Variants in ARHGAP22 observed in about 807,000 individuals in gnomAD.
The protein encoded by ARHGAP22 is Rho GTPase activating protein 22.
A neutral mutation model predicts 59.1 loss-of-function variants in ARHGAP22; 48 were observed. That is an observed-to-expected ratio of 0.81 (90% CI 0.64 to 1.03). The LOEUF (loss-of-function observed/expected upper bound fraction) is 1.03. Ranked by LOEUF, ARHGAP22 falls within the 50% of genes least tolerant of loss-of-function variation. The pLI is 0.00. For missense variants in ARHGAP22, 1,015 were observed against 958.7 expected, an observed-to-expected ratio of 1.06 and a Z score of -0.78; for synonymous variants, 445 against 416.4, an observed-to-expected ratio of 1.07 and a Z score of -0.84.
At chr10:48,616,097 A>T (rs975242851) in intron 1 of ARHGAP22, among the ~76,000 whole-genome samples, 1 of 152,154 alleles carries the variant, frequency 6.6e-6, no homozygotes, top group African/African-American at 2.4e-5. Context: ...CATTTTTTAT[A>T]AGTTAAAAAT....
chr10:48,635,161 T>G (rs2061766308), intron 1 of ARHGAP22, among the ~76,000 whole-genome samples: 1 of 152,130 alleles, frequency 6.6e-6, no homozygotes, highest in African/African-American at 2.4e-5. Context: ...AGGCTCCTTC[T>G]GGGTCCACCG....
chr10:48,522,177 G>A (rs1478626061), intron 3 of ARHGAP22, among the ~76,000 whole-genome samples: 1 of 152,204 alleles, frequency 6.6e-6, no homozygotes, highest in East Asian at 1.9e-4. Flanking sequence ...GCCAGACAGT[G>A]GCTGGTCATC....
intron 9 of ARHGAP22, among the ~76,000 whole-genome samples, chr10:48,447,094 C>T (rs775068882): frequency 5.3e-5 from 8 of 152,158 alleles, no homozygotes; most frequent in Non-Finnish European, 1.2e-4. Flanking sequence ...GTGGGGTAGT[C>T]ACTTCCCTTC....
chr10:48,434,217 A>G, the ARHGAP22 span, among the ~76,000 whole-genome samples: 1 of 152,222 alleles, frequency 6.6e-6, no homozygotes, highest in Admixed American at 6.5e-5. Context: ...CTTATCAAGT[A>G]TTAGAGTAGA....
intron 1 of ARHGAP22, among the ~76,000 whole-genome samples, chr10:48,611,384 T>G (rs2135969095): frequency 6.6e-6 from 1 of 152,238 alleles, no homozygotes; most frequent in East Asian, 1.9e-4. Flanking sequence ...CATGATGCAC[T>G]GAGATTCCCA....
chr10:48,489,325 T>C (rs996438730), intron 3 of ARHGAP22, among the ~76,000 whole-genome samples: 4 of 152,314 alleles, frequency 2.6e-5, no homozygotes, highest in African/African-American at 9.6e-5. Flanking sequence ...TCAGAGAAGT[T>C]AAGAACTTTG....
chr10:48,591,695 G>A (rs2059765767), intron 1 of ARHGAP22, among the ~76,000 whole-genome samples: 2 of 152,060 alleles, frequency 1.3e-5, no homozygotes, highest in South Asian at 2.1e-4. Context: ...GCAACATGGC[G>A]AAACCTCATA....
At chr10:48,621,968 C>T (rs1465874014) in intron 1 of ARHGAP22, among the ~76,000 whole-genome samples, 2 of 152,142 alleles carry the variant, frequency 1.3e-5, no homozygotes, top group East Asian at 3.8e-4. Flanking sequence ...GCCCCTCCTC[C>T]TCTCCTTTGG....
At chr10:48,531,996 G>C (rs1325411699) in intron 3 of ARHGAP22, among the ~76,000 whole-genome samples, 2 of 152,216 alleles carry the variant, frequency 1.3e-5, no homozygotes, top group Non-Finnish European at 2.9e-5. Context: ...CTCTGGTAGA[G>C]GGAGCTTGTT....
chr10:48,624,744 T>A (rs565002219), intron 1 of ARHGAP22, among the ~76,000 whole-genome samples: 1 of 152,244 alleles, frequency 6.6e-6, no homozygotes, highest in Non-Finnish European at 1.5e-5. Context: ...TAAGTTCTCA[T>A]GCCACGAGGA....
intron 1 of ARHGAP22, among the ~76,000 whole-genome samples, chr10:48,598,475 A>G (rs1174144894): frequency 1.3e-5 from 2 of 152,138 alleles, no homozygotes; most frequent in Non-Finnish European, 2.9e-5. Context: ...CACTGGGGGA[A>G]GAGTGTCTGG....
chr10:48,551,999 A>G (rs1590126719), intron 3 of ARHGAP22, among the ~76,000 whole-genome samples: 1 of 152,252 alleles, frequency 6.6e-6, no homozygotes, highest in Non-Finnish European at 1.5e-5. Flanking sequence ...CAGGGCCTGC[A>G]CTTTCTGGCC....
chr10:48,450,205 G>A (rs1867585), intron 9 of ARHGAP22, 56 bp downstream of exon 9: 1,400,986 of 1,574,582 alleles, frequency 0.89, 627,623 homozygotes, highest in East Asian at 0.98. Context: ...CCAAGAGCAC[G>A]GCTCTCCCTG....
chr10:48,457,495 C>T (rs2046661444), intron 5 of ARHGAP22, among the ~76,000 whole-genome samples: 2 of 152,204 alleles, frequency 1.3e-5, no homozygotes, highest in African/African-American at 4.8e-5. Flanking sequence ...ACCCCTAGGC[C>T]TCCCAGTGCT....
intron 1 of ARHGAP22, among the ~76,000 whole-genome samples, chr10:48,584,591 T>C (rs1165394466): frequency 6.6e-6 from 1 of 152,176 alleles, no homozygotes; most frequent in East Asian, 1.9e-4. Flanking sequence ...GTGTCCTCGT[T>C]ACTGTGGGGG....
At chr10:48,554,914 C>T (rs767235719) in intron 3 of ARHGAP22, among the ~76,000 whole-genome samples, 8 of 152,188 alleles carry the variant, frequency 5.3e-5, no homozygotes, top group East Asian at 1.9e-4. Context: ...ACAGCAGAGC[C>T]GGCCCTGCCA....
chr10:48,462,045 C>T (rs2047181917), intron 4 of ARHGAP22, among the ~76,000 whole-genome samples: 1 of 152,218 alleles, frequency 6.6e-6, no homozygotes, highest in African/African-American at 2.4e-5. Flanking sequence ...GGTGAAGACT[C>T]TTCCTTTGAG....
chr10:48,631,954 C>CT (rs990518083), intron 1 of ARHGAP22, among the ~76,000 whole-genome samples: 21 of 151,944 alleles, frequency 1.4e-4, no homozygotes, highest in African/African-American at 4.6e-4. Context: ...TTTAGTCTCA[C>CT]TTTTTTTTAC....
At chr10:48,478,837 G>A (rs1215456884) in intron 4 of ARHGAP22, among the ~76,000 whole-genome samples, 1 of 152,070 alleles carries the variant, frequency 6.6e-6, no homozygotes, top group Non-Finnish European at 1.5e-5. Flanking sequence ...TCAGCTGCAT[G>A]CCCACCCCAT....
Sources: allele counts gnomAD v4.1 joint callset (sites outside exome capture counted in the v4.1 genomes callset), GRCh38; gene constraint gnomAD v4.1.1; transcripts MANE v1.5; gene names NCBI Gene and HGNC (gene_info 2026-07-23, HGNC 2026-07-21).